The following NEBL variants were observed in gnomAD, a reference collection of about 807,000 sequenced individuals.
The protein encoded by NEBL is LIM and SH3 protein 2.
Under a neutral mutation model 140.2 loss-of-function variants are expected in NEBL, and 122 were observed. The observed-to-expected ratio is 0.87, with a 90% CI of 0.75 to 1.01. NEBL has a LOEUF of 1.01. NEBL is among the 50% of genes least tolerant of loss of function. NEBL has a pLI of 0.00. For synonymous variants in NEBL, 436 were observed against 398.9 expected, an observed-to-expected ratio of 1.09 and a Z score of -1.11; for missense variants, 1,365 against 1,231.3, an observed-to-expected ratio of 1.11 and a Z score of -1.62.
intron 3 of NEBL, among the ~76,000 whole-genome samples, chr10:21,218,481 T>C (rs1268856967): frequency 6.6e-6 from 1 of 152,208 alleles, no homozygotes; most frequent in East Asian, 1.9e-4. Context: ...TTTTTTATCT[T>C]TGCTTTATCT....
At chr10:21,239,887 T>G (rs528102426) in intron 3 of NEBL, among the ~76,000 whole-genome samples, 188 of 151,826 alleles carry the variant, frequency 1.2e-3, no homozygotes, top group Non-Finnish European at 2.1e-3. Flanking sequence ...ATCGTGGCGG[T>G]CACCTGTAGT....
chr10:20,787,144 A>T, intron 27 of NEBL, 58 bp downstream of exon 27: 1 of 1,269,336 alleles, frequency 7.9e-7, no homozygotes, highest in African/African-American at 1.5e-5. Flanking sequence ...ATGTATTTAC[A>T]TGCTTGAGGG....
Position 21,122,006 on chromosome 10 carries a change from G to GT in NEBL, c.164+50376dup, listed in dbSNP as rs927262236. 2.3e-4 allele frequency among the ~76,000 whole-genome samples: 32 copies of GT among 136,730 alleles called. 1 individual carries two copies. The highest frequency in any genetic ancestry group is 1.1e-3 in the African/African-American group (32 of 28,656). The allele number at this position is 136,730 out of a possible 152,430, so 89.7% of individuals were successfully genotyped here. A position where few individuals can be genotyped will look rare whatever the true frequency, so the allele number is the denominator to read the frequency against. ...AGGAATGTGGGGATTTCTCCTGGTT[G>GT]TTGTTGTTGTTGTTGTTGTTGTTGT... On this transcript the variant is annotated intron_variant, in intron 2 of 6. Coordinates refer to the NEBL transcript ENST00000417816.
At chr10:21,291,269 G>A (rs765985085) in intron 1 of NEBL, among the ~76,000 whole-genome samples, 1 of 151,994 alleles carries the variant, frequency 6.6e-6, no homozygotes, top group Non-Finnish European at 1.5e-5. Flanking sequence ...ACTTTAGGAG[G>A]CCAAGGCAGG....
chr10:21,010,249 T>G (rs1838284572), intron 3 of NEBL, among the ~76,000 whole-genome samples: 1 of 152,086 alleles, frequency 6.6e-6, no homozygotes, highest in South Asian at 2.1e-4. Flanking sequence ...TTTTGTTTTG[T>G]TTCATTTTGT....
intron 5 of NEBL, among the ~76,000 whole-genome samples, chr10:20,870,924 T>A (rs951340595): frequency 6.6e-6 from 1 of 152,228 alleles, no homozygotes; most frequent in South Asian, 2.1e-4. Context: ...TGAACTGGCA[T>A]AATGTCCGAT....
chr10:20,984,384 G>C (rs566862569), intron 3 of NEBL, among the ~76,000 whole-genome samples: 9 of 152,126 alleles, frequency 5.9e-5, no homozygotes, highest in Non-Finnish European at 1.0e-4. Context: ...ATGGAATGTT[G>C]TTTATGTTTT....
chr10:20,788,179 T>A (rs1393409629), intron 26 of NEBL, among the ~76,000 whole-genome samples: 1 of 152,170 alleles, frequency 6.6e-6, no homozygotes, highest in Non-Finnish European at 1.5e-5. Context: ...TCTGTGAATG[T>A]GTTTAAGTTA....
intron 2 of NEBL, among the ~76,000 whole-genome samples, chr10:21,083,270 T>G (rs140738452): frequency 6.8e-4 from 104 of 152,290 alleles, no homozygotes; most frequent in African/African-American, 2.4e-3. Context: ...AATAGTCGAT[T>G]TAAATTGATT....
chr10:21,270,715 G>A (rs1588584483), intron 1 of NEBL, among the ~76,000 whole-genome samples: 1 of 152,080 alleles, frequency 6.6e-6, no homozygotes, highest in African/African-American at 2.4e-5. Context: ...CACCCCAGCA[G>A]GTCATGAACT....
chr10:20,932,038 G>A (rs1834213207), intron 4 of NEBL, among the ~76,000 whole-genome samples: 1 of 152,124 alleles, frequency 6.6e-6, no homozygotes, highest in African/African-American at 2.4e-5. Flanking sequence ...AGACATTCTT[G>A]TTTCCTCTAC....
intron 2 of NEBL, among the ~76,000 whole-genome samples, chr10:21,143,448 CA>C (rs72021692): frequency 0.016 from 1,088 of 66,458 alleles, no homozygotes; most frequent in Non-Finnish European, 0.02. Context: ...AACTTCATCT[CA>C]AAAAAAAAAA....
At chr10:20,973,255 T>C (rs1001464992) in intron 3 of NEBL, among the ~76,000 whole-genome samples, 1 of 151,866 alleles carries the variant, frequency 6.6e-6, no homozygotes, top group African/African-American at 2.4e-5. Flanking sequence ...TTCTTTTTTT[T>C]TTTTTTTAAG....
At chr10:20,896,546 A>T in intron 2 of NEBL, among the ~76,000 whole-genome samples, 1 of 142,272 alleles carries the variant, frequency 7.0e-6, no homozygotes, top group South Asian at 2.3e-4. Flanking sequence ...AGACAAGTCC[A>T]TTCATTAGAT....
intron 2 of NEBL, among the ~76,000 whole-genome samples, chr10:21,066,432 G>T (rs1835547872): frequency 1.3e-5 from 2 of 152,070 alleles, no homozygotes; most frequent in East Asian, 3.9e-4. Context: ...AAAAATAAAA[G>T]TTAAGAAGTA....
upstream of NEBL, among the ~76,000 whole-genome samples, chr10:21,176,148 A>G (rs114400155): frequency 6.4e-3 from 973 of 152,156 alleles, 18 homozygotes; most frequent in African/African-American, 0.023. Context: ...GACCACAGGC[A>G]TATGCCACTA....
chr10:21,009,408 A>G (rs1217930983), intron 3 of NEBL, among the ~76,000 whole-genome samples: 1 of 152,174 alleles, frequency 6.6e-6, no homozygotes, highest in Non-Finnish European at 1.5e-5. Context: ...GAAAAATTCC[A>G]CAGAAACAGG....
At chr10:20,965,813 C>G (rs538624856) in intron 3 of NEBL, among the ~76,000 whole-genome samples, 32 of 152,310 alleles carry the variant, frequency 2.1e-4, no homozygotes, top group Admixed American at 9.2e-4. Flanking sequence ...TGTCCCAGGA[C>G]CACAGAAGAA....
At chr10:20,804,004 T>G (rs1837384172) in intron 26 of NEBL, among the ~76,000 whole-genome samples, 1 of 151,858 alleles carries the variant, frequency 6.6e-6, no homozygotes, top group African/African-American at 2.4e-5. Context: ...TTTATGCATG[T>G]GGTCCTTGTT....
Sources: gnomAD v4.1 joint callset for allele counts (sites outside exome capture counted in the v4.1 genomes callset) on GRCh38, gnomAD v4.1.1 for gene constraint, MANE v1.5 for transcripts, NCBI Gene and HGNC (gene_info 2026-07-23, HGNC 2026-07-21) for gene names.